Variants in VARS2 observed in about 807,000 individuals in gnomAD.
The protein encoded by VARS2 is valine--tRNA ligase, mitochondrial.
VARS2 carries 105 observed loss-of-function variants against 154.1 expected under a neutral mutation model. That is an observed-to-expected ratio of 0.68 (90% CI 0.58 to 0.80). The LOEUF (loss-of-function observed/expected upper bound fraction) is 0.80. Ranked by LOEUF, VARS2 falls within the 30% of genes least tolerant of loss-of-function variation. The probability of loss-of-function intolerance (pLI) is 0.00; values close to 1 mark genes in which losing one functional copy is unlikely to be tolerated. For missense variants in VARS2, 1,157 were observed against 1,361.4 expected (o/e 0.85, Z 2.36); for synonymous variants, 483 against 539.5 (o/e 0.90, Z 1.45).
At position 30,923,945 on chromosome 6, in the gene VARS2, C is replaced by T. The variant is rs1794691140; in HGVS notation, c.2467-409C>T. 2.8e-5 allele frequency: 10 copies of T among 357,882 alleles called. No homozygotes were observed. The South Asian group carries it at 3.0e-4, about 11-fold the overall frequency. The allele number at this position is 357,882 out of a possible 1,614,324, so 22.2% of individuals were successfully genotyped here. ...TGGATCCCCCCCGCTCCACTGCCACCCCAGAGTGGCTCCTTTAGCAGGTTG... is the reference window on the plus strand; with the variant it reads ...TGGATCCCCCCCGCTCCACTGCCACTCCAGAGTGGCTCCTTTAGCAGGTTG... On this transcript the variant is annotated intron_variant, in intron 25 of 29. Transcript: ENST00000676266.
chr6:30,922,534 A>G lies in VARS2; in HGVS notation c.2017A>G (p.Ile673Val). Residue 673 changes from isoleucine (I) to valine (V), a missense_variant, in exon 21 of 30, where the codon ATC becomes GTC. Physicochemically the swap from Ile to Val is conservative, Grantham distance 29. Transcript: ENST00000676266. ...GAATGTGCTGGACCCAAGAGACATC[A>G]TCAGTGGGGTGGAGATGCAGGTGAG... The part of the protein sequence containing the change: ...LGNVLDPRDI[I>V]SGVEMQVLQE... The G allele has an allele frequency of 6.4e-7, 1 of 1,569,498 alleles. No homozygotes were observed. Among genetic ancestry groups the G allele is most frequent in the Non-Finnish European group, 8.6e-7 (1 of 1,157,446 alleles).
Position 30,925,553 on chromosome 6 carries a change from A to T in VARS2, c.2795A>T (p.Gln932Leu). The T allele has an allele frequency of 6.3e-7, 1 of 1,586,790 alleles. No homozygotes were observed. Among genetic ancestry groups the T allele is most frequent in the Non-Finnish European group, 8.5e-7 (1 of 1,170,228 alleles). Residue 932 changes from glutamine to leucine, a missense_variant, in exon 28 of 30, where the codon CAG (glutamine) becomes CTG (leucine). Transcript: ENST00000676266. ...LTKARPRVLL[Q>L]SSEPGDQGLF... ...GTTTCTTTCTTTCCAGTGCTGCTGC[A>T]GAGCTCAGAGCCTGGGGACCAGGGC...
intron 27 of VARS2, 72 bp from the exon 28 acceptor site, chr6:30,925,472 C>A (rs572114528): frequency 1.2e-5 from 19 of 1,561,956 alleles, no homozygotes; most frequent in Admixed American, 1.9e-5. Flanking sequence ...GCCAACCCCC[C>A]CGTTAGGAGG....
Position 30,917,346 on chromosome 6 carries a change from G to T in VARS2, c.873+122G>T. 6.6e-7 allele frequency: 1 copy of T among 1,515,702 alleles called. No individual in the cohort carries two copies. Among genetic ancestry groups the T allele is most frequent in the South Asian group, 1.2e-5 (1 of 85,176 alleles). 93.9% of individuals were successfully genotyped at this position (1,515,702 alleles called of 1,614,324 possible). On this transcript the variant is annotated intron_variant, in intron 9 of 29. Transcript: ENST00000676266. This position sits in a 1 kb window ranked among gnomAD's most constrained non-coding sequence, Gnocchi z 4.4. ...AATCTGATGCCTGCCTGTTACAGCT[G>T]TGTGGCTTTTGGCAGGCCGTTTAGT...
Position 30,920,950 on chromosome 6 carries a change from A to T in VARS2, c.1480-115A>T. On this transcript the variant is annotated intron_variant, in intron 15 of 29. Transcript: ENST00000676266. This position sits in a 1 kb window ranked among gnomAD's most constrained non-coding sequence, Gnocchi z 4.6. ...TACTCAAGCCCAGAATCTTGGCAAG[A>T]GGCTTGGGAGGTCCTTTCTGAGTTT... 7.9e-7 allele frequency: 1 copy of T among 1,261,084 alleles called. No individual in the cohort carries two copies. The highest frequency in any genetic ancestry group is 1.1e-6 in the Non-Finnish European group (1 of 923,878). 78.1% of individuals were successfully genotyped at this position (1,261,084 alleles called of 1,614,324 possible). A position where few individuals can be genotyped will look rare whatever the true frequency, so the allele number is the denominator to read the frequency against.
chr6:30,922,149 C>T lies in VARS2; in HGVS notation c.1840C>T (p.Leu614Phe). 1 of 1,612,778 alleles carries T rather than the reference C, an allele frequency of 6.2e-7. No homozygotes were observed. Among genetic ancestry groups the T allele is most frequent in the Non-Finnish European group, 8.5e-7 (1 of 1,179,938 alleles). The change falls in exon 20 of 30, where the codon CTT (leucine) becomes TTT (phenylalanine). Residue 614 changes from leucine to phenylalanine, a missense_variant. Leu to Phe is a conservative substitution (Grantham distance 22, BLOSUM62 0). Transcript: ENST00000676266. ...CCTTGCTCGTTTCTACCCCCTGTCA[C>T]TTTTGGAAACGGGCAGCGACCTTCT... ...PDLARFYPLSLLETGSDLLLF... is the reference protein window; with the variant it reads ...PDLARFYPLSFLETGSDLLLF...
Position 30,917,155 on chromosome 6 carries a change from G to A in VARS2, c.804G>A (p.Gly268=). The change falls in exon 9 of 30, where the codon GGG becomes GGA. Residue 268 remains glycine, a synonymous_variant. Coordinates refer to ENST00000676266, the MANE Select transcript of VARS2 (RefSeq NM_020442.6). This position sits in a 1 kb window ranked among gnomAD's most constrained non-coding sequence, Gnocchi z 4.4. ...CTTTTGTGCGGCTCTACAAGGCGGGGTTGCTGTACCGGAACCATCAGCTTG... is the reference window on the plus strand; with the variant it reads ...CTTTTGTGCGGCTCTACAAGGCGGGATTGCTGTACCGGAACCATCAGCTTG... ...TEAFVRLYKA[G]LLYRNHQLVN... The A allele has an allele frequency of 1.9e-6, 3 of 1,614,204 alleles. No homozygotes were observed. The highest frequency in any genetic ancestry group is 2.5e-6 in the Non-Finnish European group (3 of 1,180,036).
At chr6:30,918,677 C>A in intron 10 of VARS2, 150 bp from the exon 11 acceptor site, 1 of 560,848 alleles carries the variant, frequency 1.8e-6, no homozygotes, top group Non-Finnish European at 3.3e-6. Context: ...ATAAACACTG[C>A]TCCTACTTTT....
At chr6:30,922,347 T>C in intron 20 of VARS2, 103 bp from the exon 21 acceptor site, 1 of 1,598,772 alleles carries the variant, frequency 6.3e-7, no homozygotes, top group Non-Finnish European at 8.5e-7. Flanking sequence ...GCTGATTCCT[T>C]TTTCCTAATT....
In VARS2 at chr6:30,920,734, G is replaced by A; in HGVS notation, c.1464G>A (p.Gly488=). ...NQWFVRCQEM[G]ARAAKAVESG... is the part of the protein sequence containing the mutation. ...GGTTTGTCCGCTGCCAGGAAATGGG[G>A]GCCCGAGCTGCCAAGGTGAGGCTGC... Residue 488 remains glycine (G), a synonymous_variant, in exon 15 of 30, where the codon GGG becomes GGA. Coordinates refer to ENST00000676266, the MANE Select transcript of VARS2 (RefSeq NM_020442.6). This position sits in a 1 kb window ranked among gnomAD's most constrained non-coding sequence, Gnocchi z 4.6. 1.3e-6 allele frequency: 2 copies of A among 1,597,844 alleles called. No homozygotes were observed. Among genetic ancestry groups the A allele is most frequent in the Non-Finnish European group, 1.7e-6 (2 of 1,172,888 alleles).
In VARS2 at chr6:30,924,413, G is replaced by A. The variant is rs1211215176; in HGVS notation, c.2526G>A (p.Leu842=). 6.2e-6 allele frequency: 10 copies of A among 1,612,772 alleles called. No individual in the cohort carries two copies. Among genetic ancestry groups the A allele is most frequent in the Non-Finnish European group, 7.6e-6 (9 of 1,179,988 alleles). The change falls in exon 26 of 30, where the codon CTG becomes CTA. Residue 842 remains leucine, a synonymous_variant. Coordinates refer to ENST00000676266, the MANE Select transcript of VARS2 (RefSeq NM_020442.6). ...SPRPLGPPQV[L]FSCADLGLRL... is the part of the protein sequence containing the mutation. ...GCCCCCTGGGGCCCCCTCAGGTCCT[G>A]TTCTCCTGCGCTGACCTCGGCCTCC...
chr6:30,914,797 C>G lies in VARS2; in HGVS notation c.-27-13C>G, dbSNP rs573189167. 7.5e-6 allele frequency: 12 copies of G among 1,610,612 alleles called. 1 individual carries two copies. The Admixed American group carries it at 1.2e-4, about 16-fold the overall frequency. ...CCCCATATCCTAATGTGCTCTCTCT[C>G]TATCCAGAACAGATCTCGGCCCCTT... On this transcript the variant is annotated splice_polypyrimidine_tract_variant and intron_variant, in intron 1 of 29. Transcript: ENST00000676266.
In VARS2 at chr6:30,922,178, G is replaced by A; in HGVS notation, c.1869G>A (p.Leu623=). 1 of 1,612,858 alleles carries A rather than the reference G, an allele frequency of 6.2e-7. No individual in the cohort carries two copies. Among genetic ancestry groups the A allele is most frequent in the Non-Finnish European group, 8.5e-7 (1 of 1,179,950 alleles). ...TGGAAACGGGCAGCGACCTTCTGCT[G>A]TTCTGGGTGGGCCGCATGGTCATGT... ...SLLETGSDLL[L]FWVGRMVMLG... The change falls in exon 20 of 30, where the codon CTG becomes CTA. Residue 623 remains leucine, a synonymous_variant. Transcript: ENST00000676266.
chr6:30,925,469 C>T (rs975885524), intron 27 of VARS2, 75 bp from the exon 28 acceptor site: 12 of 1,562,746 alleles, frequency 7.7e-6, no homozygotes, highest in Middle Eastern at 4.0e-4. Context: ...AGGGCCAACC[C>T]CCCCGTTAGG....
chr6:30,916,857 C>T lies in VARS2; in HGVS notation c.672-21C>T. The stretch of plus-strand genomic sequence containing the variant: ...GAAGTGCTTGGGAAGTGTTTGCTGA[C>T]AAGGATCTCTCTGGGCACAGGAAAG... On this transcript the variant is annotated intron_variant, in intron 7 of 29. Coordinates refer to ENST00000676266, the MANE Select transcript of VARS2 (RefSeq NM_020442.6). The surrounding 1 kb of genome is among the most constrained non-coding windows in gnomAD (Gnocchi z 4.0). 6.2e-7 allele frequency: 1 copy of T among 1,613,754 alleles called. No individual in the cohort carries two copies. Among genetic ancestry groups the T allele is most frequent in the Non-Finnish European group, 8.5e-7 (1 of 1,179,702 alleles).
Position 30,920,052 on chromosome 6 carries a change from G to A in VARS2, c.1166-37G>A. ...TACATCTGGAAAAGCAAAAGCCAAG[G>A]TCAGGTTCAGTACTCACCATGGCTG... On this transcript the variant is annotated intron_variant, in intron 12 of 29. Coordinates refer to ENST00000676266, the MANE Select transcript of VARS2 (RefSeq NM_020442.6). This position sits in a 1 kb window ranked among gnomAD's most constrained non-coding sequence, Gnocchi z 4.6. 1 of 1,508,552 alleles carries A rather than the reference G, an allele frequency of 6.6e-7. No homozygotes were observed. The highest frequency in any genetic ancestry group is 1.3e-5 in the South Asian group (1 of 74,358). The allele number at this position is 1,508,552 out of a possible 1,614,324, so 93.4% of individuals were successfully genotyped here. A position where few individuals can be genotyped will look rare whatever the true frequency, so the allele number is the denominator to read the frequency against.
chr6:30,925,792 T>C (rs1794800575), intron 28 of VARS2, 73 bp downstream of exon 28: 1 of 1,610,872 alleles, frequency 6.2e-7, no homozygotes, highest in Non-Finnish European at 8.5e-7. Context: ...GGCTGGGCTC[T>C]ATAAAGTAGG....
At position 30,914,864 on chromosome 6, in the gene VARS2, C is replaced by A; in HGVS notation, c.28C>A (p.Arg10=). 1 of 1,613,034 alleles carries A rather than the reference C, an allele frequency of 6.2e-7. No homozygotes were observed. The highest frequency in any genetic ancestry group is 8.5e-7 in the Non-Finnish European group (1 of 1,180,020). The change falls in exon 2 of 30, where the codon CGA becomes AGA. Residue 10 remains arginine, a synonymous_variant. Coordinates refer to ENST00000676266, the MANE Select transcript of VARS2 (RefSeq NM_020442.6). Reference sequence around the variant, plus strand: ...GCCTCATTTGCCTCTCGCCTCTTTTCGACCACCATTTTGGGGGCTGAGGCA... The same window carrying A: ...GCCTCATTTGCCTCTCGCCTCTTTTAGACCACCATTTTGGGGGCTGAGGCA... MPHLPLASF[R]PPFWGLRHSR...
In VARS2 at chr6:30,914,947, T is replaced by C; in HGVS notation, c.111T>C (p.Ser37=). 1 of 1,612,990 alleles carries C rather than the reference T, an allele frequency of 6.2e-7. No homozygotes were observed. The highest frequency in any genetic ancestry group is 8.5e-7 in the Non-Finnish European group (1 of 1,180,004). The change falls in exon 2 of 30, where the codon TCT becomes TCC. Residue 37 remains serine (S), a synonymous_variant. Coordinates refer to ENST00000676266, the MANE Select transcript of VARS2 (RefSeq NM_020442.6). ...CTACACAGTCGGAGCCCCATGGATC[T>C]CCCATCTCCCGGAGGAACCGTGAAG... is the stretch of plus-strand genomic sequence containing the variant. The part of the protein sequence containing the change: ...SVSTQSEPHG[S]PISRRNREAK...
Sources: allele counts gnomAD v4.1 joint callset, GRCh38; gene constraint gnomAD v4.1.1; non-coding constraint Gnocchi (gnomAD v3.1); transcripts MANE v1.5; gene names NCBI Gene and HGNC (gene_info 2026-07-23, HGNC 2026-07-21).